NEGR1: variants seen among roughly 807,000 people sequenced by gnomAD.
The protein encoded by NEGR1 is neuronal growth regulator 1.
NEGR1 carries 10 observed loss-of-function variants against 40.9 expected under a neutral mutation model. The ratio of observed to expected loss-of-function variants is 0.24; its 90% CI spans 0.15 to 0.42. The LOEUF (loss-of-function observed/expected upper bound fraction) is 0.42. Among genes scored for constraint, NEGR1 ranks in the 10% least tolerant of loss-of-function variants. NEGR1 has a pLI of 1.00. For missense variants in NEGR1, 352 were observed against 438.9 expected (o/e 0.80, Z 1.77); for synonymous variants, 185 against 166.8 (o/e 1.11, Z -0.84).
intron 1 of NEGR1, among the ~76,000 whole-genome samples, chr1:72,005,491 G>C (rs59416074): frequency 0.14 from 20,999 of 151,902 alleles, 1,931 homozygotes; most frequent in East Asian, 0.44. Flanking sequence ...AAATAACAAA[G>C]CTTTTAATAA....
intron 1 of NEGR1, among the ~76,000 whole-genome samples, chr1:72,069,451 A>G (rs767065047): frequency 3.9e-5 from 6 of 151,944 alleles, no homozygotes; most frequent in Non-Finnish European, 7.4e-5. Context: ...TAAAAAAAAA[A>G]GTATGTAAAC....
chr1:72,089,742 G>A (rs780881980), intron 1 of NEGR1, among the ~76,000 whole-genome samples: 3 of 151,766 alleles, frequency 2.0e-5, no homozygotes, highest in African/African-American at 7.3e-5. Context: ...TATAGCCTAT[G>A]TCTACTTGGG....
intron 1 of NEGR1, among the ~76,000 whole-genome samples, chr1:72,261,431 C>T (rs1042435244): frequency 3.3e-5 from 5 of 151,920 alleles, no homozygotes; most frequent in Non-Finnish European, 7.4e-5. Context: ...AAATACTTCT[C>T]AGAAAAAAAT....
At chr1:71,720,154 T>A (rs1654456297) in intron 3 of NEGR1, among the ~76,000 whole-genome samples, 1 of 152,190 alleles carries the variant, frequency 6.6e-6, no homozygotes, top group African/African-American at 2.4e-5. Context: ...ATTAATTTTT[T>A]AAAACAAATA....
intron 6 of NEGR1, among the ~76,000 whole-genome samples, chr1:71,445,779 AG>A (rs1395043103): frequency 1.3e-5 from 2 of 152,210 alleles, no homozygotes; most frequent in African/African-American, 4.8e-5. Context: ...GGAGAAGGCC[AG>A]CGGTCAAGTA....
At chr1:71,566,506 C>T (rs1414282437) in intron 6 of NEGR1, among the ~76,000 whole-genome samples, 4 of 152,122 alleles carry the variant, frequency 2.6e-5, no homozygotes, top group East Asian at 1.9e-4. Flanking sequence ...AGAAAGACTA[C>T]TCTTCATGAG....
intron 1 of NEGR1, among the ~76,000 whole-genome samples, chr1:72,239,086 G>T (rs1261395154): frequency 6.6e-6 from 1 of 151,330 alleles, no homozygotes; most frequent in East Asian, 1.9e-4. Flanking sequence ...TCAAAGAAGT[G>T]GTCCATTCAA....
At chr1:71,786,651 C>T (rs948590829) in intron 2 of NEGR1, among the ~76,000 whole-genome samples, 1 of 152,122 alleles carries the variant, frequency 6.6e-6, no homozygotes, top group Admixed American at 6.6e-5. Context: ...CCAATTCTTC[C>T]TTCCATCCAC....
intron 3 of NEGR1, among the ~76,000 whole-genome samples, chr1:71,712,860 A>ACT (rs372424530): frequency 2.7e-5 from 4 of 147,766 alleles, no homozygotes; most frequent in South Asian, 2.1e-4. Flanking sequence ...TTCCATCTTA[A>ACT]CTCTCTCTCT....
At chr1:71,977,093 C>A (rs535544145) in intron 1 of NEGR1, among the ~76,000 whole-genome samples, 1 of 152,036 alleles carries the variant, frequency 6.6e-6, no homozygotes, top group Non-Finnish European at 1.5e-5. Context: ...GAGGCCGAGG[C>A]GGGTGGACTG....
At chr1:71,745,943 A>T (rs1470114919) in intron 3 of NEGR1, among the ~76,000 whole-genome samples, 1 of 152,190 alleles carries the variant, frequency 6.6e-6, no homozygotes, top group Non-Finnish European at 1.5e-5. Flanking sequence ...CTCTAGATCT[A>T]GGAGGAGGAA....
At chr1:71,882,751 A>G (rs2101844785) in intron 2 of NEGR1, among the ~76,000 whole-genome samples, 1 of 147,904 alleles carries the variant, frequency 6.8e-6, no homozygotes, top group East Asian at 2.0e-4. Context: ...AAGCATGTTG[A>G]GGTCTTCCCA....
At chr1:71,780,323 G>A (rs916450058) in intron 2 of NEGR1, among the ~76,000 whole-genome samples, 5 of 152,152 alleles carry the variant, frequency 3.3e-5, no homozygotes, top group African/African-American at 4.8e-5. Flanking sequence ...ATTGATGAGT[G>A]TAAACTCATT....
At chr1:71,974,764 T>C (rs1351497469) in intron 1 of NEGR1, among the ~76,000 whole-genome samples, 1 of 152,194 alleles carries the variant, frequency 6.6e-6, no homozygotes, top group African/African-American at 2.4e-5. Context: ...GATTAGCAAC[T>C]CTTGTCTATT....
intron 3 of NEGR1, among the ~76,000 whole-genome samples, chr1:71,770,812 G>A (rs1476059655): frequency 6.6e-6 from 1 of 152,212 alleles, no homozygotes; most frequent in East Asian, 1.9e-4. Context: ...AAATGCTGGA[G>A]AGGATGTGGA....
In NEGR1 at chr1:71,749,988, C is replaced by CTT. The variant is rs768011020; in HGVS notation, c.535+26182_535+26183dup. ...TCCTGATGAAATGGTTTGCTCCTTT[C>CTT]TTTTTTTTTTTTTTTTGAGACGGAG... On this transcript the variant is annotated intron_variant, in intron 3 of 6. Coordinates refer to ENST00000357731, the MANE Select transcript of NEGR1 (RefSeq NM_173808.3). Among the ~76,000 whole-genome samples the CTT allele has an allele frequency of 1.4e-3, 191 of 136,622 alleles. 2 individuals carry two copies. Among genetic ancestry groups the CTT allele is most frequent in the South Asian group, 1.2e-3 (5 of 4,092 alleles). 89.6% of individuals were successfully genotyped at this position (136,622 alleles called of 152,430 possible).
At chr1:72,011,320 T>C (rs898678649) in intron 1 of NEGR1, among the ~76,000 whole-genome samples, 2 of 152,026 alleles carry the variant, frequency 1.3e-5, no homozygotes, top group Non-Finnish European at 2.9e-5. Flanking sequence ...ATTCAGAAAA[T>C]CAGTGGGTGA....
intron 6 of NEGR1, among the ~76,000 whole-genome samples, chr1:71,506,094 A>G (rs538780321): frequency 1.3e-5 from 2 of 152,302 alleles, no homozygotes; most frequent in East Asian, 3.9e-4. Context: ...AACTCCAAAA[A>G]TTTTTAGGTT....
At chr1:72,246,964 G>T (rs938674012) in intron 1 of NEGR1, among the ~76,000 whole-genome samples, 2 of 152,226 alleles carry the variant, frequency 1.3e-5, no homozygotes, top group African/African-American at 4.8e-5. Context: ...CTTATGTCTT[G>T]CATTCTCCAA....
Sources: gnomAD v4.1 joint callset for allele counts (sites outside exome capture counted in the v4.1 genomes callset) on GRCh38, gnomAD v4.1.1 for gene constraint, MANE v1.5 for transcripts, NCBI Gene and HGNC (gene_info 2026-07-23, HGNC 2026-07-21) for gene names.